The following CDC37 variants were observed in gnomAD, a reference collection of about 807,000 sequenced individuals.
The protein encoded by CDC37 is cell division cycle 37, HSP90 cochaperone, also known as hsp90 co-chaperone Cdc37.
CDC37 carries 9 observed loss-of-function variants against 46.9 expected under a neutral mutation model. That is an observed-to-expected ratio of 0.19 (90% CI 0.12 to 0.33). The LOEUF is 0.33. Among genes scored for constraint, CDC37 ranks in the 10% least tolerant of loss-of-function variants. The pLI is 1.00. For missense variants in CDC37, 388 were observed against 514.6 expected, an observed-to-expected ratio of 0.75 and a Z score of 2.38; for synonymous variants, 193 against 191.0, an observed-to-expected ratio of 1.01 and a Z score of -0.09.
rs905505118 is a variant in CDC37, at chr19:10,403,267, G to A, written c.102+111C>T. 5 of 769,366 alleles carry A rather than the reference G, an allele frequency of 6.5e-6. No homozygotes were observed. The African/African-American group carries it at 8.6e-5, about 13-fold the overall frequency. The allele number at this position is 769,366 out of a possible 1,614,324, so 47.7% of individuals were successfully genotyped here. A position where few individuals can be genotyped will look rare whatever the true frequency, so the allele number is the denominator to read the frequency against. ...ATCGAAGCTCCTGAAAATCCAGACT[G>A]GGGGGGTGAGAATCCTAGGTGTGAA... On this transcript the variant is annotated intron_variant, in intron 1 of 7. Transcript: ENST00000222005.
rs1364473970 is a variant in CDC37, at chr19:10,395,016, C to G, written c.726+5G>C. The G allele has an allele frequency of 1.3e-6, 2 of 1,516,934 alleles. No individual in the cohort carries two copies. Among genetic ancestry groups the G allele is most frequent in the Non-Finnish European group, 1.8e-6 (2 of 1,134,364 alleles). The allele number at this position is 1,516,934 out of a possible 1,614,324, so 94.0% of individuals were successfully genotyped here. A position where few individuals can be genotyped will look rare whatever the true frequency, so the allele number is the denominator to read the frequency against. On this transcript the variant is annotated splice_donor_5th_base_variant and intron_variant, in intron 5 of 7. Transcript: ENST00000222005. ...TCCAGCCACCTGGCAGCTCAGGGAC[C>G]CTACCTTAATCTTAGTGAAGAACTG...
At chr19:10,400,848 C>A (rs1189327092) in intron 1 of CDC37, among the ~76,000 whole-genome samples, 1 of 148,988 alleles carries the variant, frequency 6.7e-6, no homozygotes, top group African/African-American at 2.5e-5. Context: ...TTTTTTTTAA[C>A]CATGAACAGA....
rs2042494586 is a variant in CDC37 at position 10,396,768 on chromosome 19, C to G, written c.103-565G>C. 6.6e-6 allele frequency among the ~76,000 whole-genome samples: 1 copy of G among 152,080 alleles called. No homozygotes were observed. Among genetic ancestry groups the G allele is most frequent in the Admixed American group, 6.5e-5 (1 of 15,272 alleles). On this transcript the variant is annotated intron_variant, in intron 1 of 7. Transcript: ENST00000222005. The surrounding 1 kb of genome is among the most constrained non-coding windows in gnomAD (Gnocchi z 5.9). Reference sequence around the variant, plus strand: ...GTATTTTCAGTAAAGATGGGGTTTGCCATGTTGCCCAGGCTGGTCTTGAAG... The same window carrying G: ...GTATTTTCAGTAAAGATGGGGTTTGGCATGTTGCCCAGGCTGGTCTTGAAG...
chr19:10,391,659 G>A lies in CDC37; in HGVS notation c.1029C>T (p.Val343=), dbSNP rs1322736233. The A allele has an allele frequency of 6.2e-7, 1 of 1,614,124 alleles. No homozygotes were observed. The highest frequency in any genetic ancestry group is 1.3e-5 in the African/African-American group (1 of 75,056). ...TGGCCTCGCTGGCCTTAGAGTTGGGGACCCAGAGGCCAGAGTCAATGCAGC... is the reference window on the plus strand; with the variant it reads ...TGGCCTCGCTGGCCTTAGAGTTGGGAACCCAGAGGCCAGAGTCAATGCAGC... ...MQRCIDSGLW[V]PNSKASEAKE... Residue 343 remains valine, a synonymous_variant, in exon 8 of 8, where the codon GTC becomes GTT. Transcript: ENST00000222005.
chr19:10,395,984 T>C lies in CDC37; in HGVS notation c.322A>G (p.Lys108Glu), dbSNP rs1170697492. 6.2e-7 allele frequency: 1 copy of C among 1,600,548 alleles called. No individual in the cohort carries two copies. The highest frequency in any genetic ancestry group is 1.3e-5 in the African/African-American group (1 of 74,202). Reference sequence around the variant, plus strand: ...ACGTTCCAGGGCATGCTCTTCTCCTTCTTGCGCATCTCCTCCAGCTTCTGC... The same window carrying C: ...ACGTTCCAGGGCATGCTCTTCTCCTCCTTGCGCATCTCCTCCAGCTTCTGC... ...WEQKLEEMRK[K>E]EKSMPWNVDT... The change falls in exon 2 of 8, where the codon AAG (lysine) becomes GAG (glutamate). Residue 108 changes from lysine to glutamate, a missense_variant. Lys to Glu is a moderately conservative substitution (Grantham distance 56, BLOSUM62 1). Around this residue, in one of 2 missense-constraint regions of CDC37, gnomAD observed 374 missense variants for 467.4 expected, o/e 0.80. Transcript: ENST00000222005.
At chr19:10,394,167 A>G (rs2042474923) in intron 5 of CDC37, among the ~76,000 whole-genome samples, 1 of 152,112 alleles carries the variant, frequency 6.6e-6, no homozygotes, top group Non-Finnish European at 1.5e-5. Context: ...GGGAGGCTGA[A>G]GCACTAGAAT....
At chr19:10,397,214 G>A (rs1418448292) in intron 1 of CDC37, among the ~76,000 whole-genome samples, 1 of 151,994 alleles carries the variant, frequency 6.6e-6, no homozygotes, top group Non-Finnish European at 1.5e-5. Flanking sequence ...ACGTGGCCTG[G>A]TGCAAAGCAC....
At position 10,396,001 on chromosome 19, in the gene CDC37, A is replaced by C. The variant is rs766695587; in HGVS notation, c.305T>G (p.Leu102Arg). ...CTTCTCCTTCTTGCGCATCTCCTCC[A>C]GCTTCTGCTCCCAGCTCCGCTCCTC... ...RKEERSWEQKLEEMRKKEKSM... is the reference protein window; with the variant it reads ...RKEERSWEQKREEMRKKEKSM... Residue 102 changes from leucine (L) to arginine (R), a missense_variant, in exon 2 of 8, where the codon CTG becomes CGG. Leu to Arg is a moderately radical substitution (Grantham distance 102). This residue lies in a region of CDC37 where 374 missense variants were observed against 467.4 expected (regional missense o/e 0.80). Coordinates refer to ENST00000222005, the MANE Select transcript of CDC37 (RefSeq NM_007065.4). The surrounding 1 kb of genome is among the most constrained non-coding windows in gnomAD (Gnocchi z 5.9). The C allele has an allele frequency of 9.4e-6, 15 of 1,592,418 alleles. No individual in the cohort carries two copies. The South Asian group carries it at 1.5e-4, about 16-fold the overall frequency.
At position 10,398,115 on chromosome 19, in the gene CDC37, T is replaced by A. The variant is rs1300278403; in HGVS notation, c.103-1912A>T. Reference sequence around the variant, plus strand: ...TGACCCTCTCCAATCCAGGCACAGCTGCCACCAGGGAGGCCTGTGAAGCCC... The same window carrying A: ...TGACCCTCTCCAATCCAGGCACAGCAGCCACCAGGGAGGCCTGTGAAGCCC... On this transcript the variant is annotated intron_variant, in intron 1 of 7. Coordinates refer to ENST00000222005, the MANE Select transcript of CDC37 (RefSeq NM_007065.4). This position sits in a 1 kb window ranked among gnomAD's most constrained non-coding sequence, Gnocchi z 4.2. 1.3e-5 allele frequency among the ~76,000 whole-genome samples: 2 copies of A among 152,160 alleles called. No homozygotes were observed. The highest frequency in any genetic ancestry group is 4.8e-5 in the African/African-American group (2 of 41,436).
In CDC37 at chr19:10,393,302, G is replaced by C. The variant is rs777309634; in HGVS notation, c.866C>G (p.Pro289Arg). 4 of 1,613,790 alleles carry C rather than the reference G, an allele frequency of 2.5e-6. No homozygotes were observed. The highest frequency in any genetic ancestry group is 3.4e-6 in the Non-Finnish European group (4 of 1,179,858). ...GACCTCGACGGGGTCCAGGCCGCCG[G>C]GGCCGAGCCGCTTCTTGCGCTCCTC... Reference protein sequence around the residue: ...EEEERKKRLGPGGLDPVEVYE... With the variant: ...EEEERKKRLGRGGLDPVEVYE... The change falls in exon 6 of 8, where the codon CCC (proline) becomes CGC (arginine). Residue 289 changes from proline to arginine, a missense_variant. Coordinates refer to ENST00000222005, the MANE Select transcript of CDC37 (RefSeq NM_007065.4). The surrounding 1 kb of genome is among the most constrained non-coding windows in gnomAD (Gnocchi z 4.9).
rs915913208 is a variant in CDC37, at chr19:10,396,494, T to TC, written c.103-292_103-291insG. Among the ~76,000 whole-genome samples the TC allele has an allele frequency of 4.6e-5, 7 of 152,162 alleles. No individual in the cohort carries two copies. The highest frequency in any genetic ancestry group is 7.2e-5 in the African/African-American group (3 of 41,434). ...CAATCTGCCTCGGCACCTCCCCTGG[T>TC]AACTCTTCCTTCCAGCTACACCAGC... On this transcript the variant is annotated intron_variant, in intron 1 of 7. Coordinates refer to ENST00000222005, the MANE Select transcript of CDC37 (RefSeq NM_007065.4). This position sits in a 1 kb window ranked among gnomAD's most constrained non-coding sequence, Gnocchi z 5.9.
rs778530307 is a variant in CDC37 at position 10,396,073 on chromosome 19, T to C, written c.233A>G (p.Lys78Arg). 3.1e-6 allele frequency: 5 copies of C among 1,614,028 alleles called. No homozygotes were observed. The highest frequency in any genetic ancestry group is 4.2e-6 in the Non-Finnish European group (5 of 1,179,960). The change falls in exon 2 of 8, where the codon AAG (lysine) becomes AGG (arginine). Residue 78 changes from lysine (K) to arginine (R), a missense_variant. This residue lies in a region of CDC37 where 374 missense variants were observed against 467.4 expected (regional missense o/e 0.80). Coordinates refer to ENST00000222005, the MANE Select transcript of CDC37 (RefSeq NM_007065.4). The surrounding 1 kb of genome is among the most constrained non-coding windows in gnomAD (Gnocchi z 5.9). The part of the protein sequence containing the change: ...LKELEVAEGG[K>R]AELERLQAEA... ...GGCCTGCAGGCGCTCCAGCTCTGCCTTGCCGCCCTCGGCCACCTCCAGCTC... is the reference window on the plus strand; with the variant it reads ...GGCCTGCAGGCGCTCCAGCTCTGCCCTGCCGCCCTCGGCCACCTCCAGCTC...
intron 1 of CDC37, among the ~76,000 whole-genome samples, chr19:10,397,908 G>C (rs542072503): frequency 6.6e-6 from 1 of 151,916 alleles, no homozygotes; most frequent in Non-Finnish European, 1.5e-5. Context: ...CAGGCTCCTG[G>C]TCCCCGCCTC....
intron 7 of CDC37, among the ~76,000 whole-genome samples, chr19:10,392,597 A>C (rs2145415574): frequency 6.6e-6 from 1 of 152,242 alleles, no homozygotes; most frequent in East Asian, 1.9e-4. Flanking sequence ...GCTAGATGTC[A>C]TGGTGTCAGC....
At chr19:10,397,051 CCT>C (rs1450567988) in intron 1 of CDC37, among the ~76,000 whole-genome samples, 1 of 152,158 alleles carries the variant, frequency 6.6e-6, no homozygotes, top group Non-Finnish European at 1.5e-5. Flanking sequence ...TCCCGCTGCC[CCT>C]GTCTGGAATT....
Position 10,395,515 on chromosome 19 carries a change from G to A in CDC37, c.407C>T (p.Thr136Met), listed in dbSNP as rs1472467098. Residue 136 changes from threonine to methionine, a missense_variant, in exon 3 of 8, where the codon ACG (threonine) becomes ATG (methionine). This residue lies in a region of CDC37 where 374 missense variants were observed against 467.4 expected (regional missense o/e 0.80). Transcript: ENST00000222005. ...CCTCACCTCCTCTGAGTCCTCCTCC[G>A]TCTTCTCGGGCTTGGTATTTACCAT... ...KSMVNTKPEK[T>M]EEDSEEVREQ... 1.9e-6 allele frequency: 3 copies of A among 1,613,934 alleles called. No individual in the cohort carries two copies. The highest frequency in any genetic ancestry group is 1.1e-5 in the South Asian group (1 of 91,080).
In CDC37 at chr19:10,398,206, C is replaced by T. The variant is rs1284064702; in HGVS notation, c.103-2003G>A. Among the ~76,000 whole-genome samples, 4 of 152,214 alleles carry T rather than the reference C, an allele frequency of 2.6e-5. No individual in the cohort carries two copies. The highest frequency in any genetic ancestry group is 4.8e-5 in the African/African-American group (2 of 41,452). On this transcript the variant is annotated intron_variant, in intron 1 of 7. Coordinates refer to ENST00000222005, the MANE Select transcript of CDC37 (RefSeq NM_007065.4). The surrounding 1 kb of genome is among the most constrained non-coding windows in gnomAD (Gnocchi z 4.2). ...TTGGGGGGTCTGAATTCAGATGGGA[C>T]TTCTGATCCTGGCATCCTGGTCCTG...
At chr19:10,395,823 A>T in intron 2 of CDC37, 105 bp downstream of exon 2, 1 of 1,094,086 alleles carries the variant, frequency 9.1e-7, no homozygotes, top group Non-Finnish European at 1.2e-6. Flanking sequence ...CTCTTCAACT[A>T]CACCACCGGG....
chr19:10,392,786 T>G, intron 7 of CDC37: 1 of 465,024 alleles, frequency 2.2e-6, no homozygotes, highest in Non-Finnish European at 3.9e-6. Context: ...TCCCACGCAT[T>G]TTGTGAGCTG....
Sources: allele counts gnomAD v4.1 joint callset (sites outside exome capture counted in the v4.1 genomes callset), GRCh38; gene constraint gnomAD v4.1.1; regional missense constraint gnomAD v4.1.1; non-coding constraint Gnocchi (gnomAD v3.1); transcripts MANE v1.5; gene names NCBI Gene and HGNC (gene_info 2026-07-23, HGNC 2026-07-21).